KIAA1217: variants seen among roughly 807,000 people sequenced by gnomAD.
KIAA1217 encodes sickle tail protein homolog.
In KIAA1217, 88 loss-of-function variants were observed where a neutral mutation model predicts 163.9. The observed-to-expected ratio is 0.54, with a 90% confidence interval of 0.45 to 0.64. The LOEUF (loss-of-function observed/expected upper bound fraction) is 0.64, where lower values mean the gene tolerates loss of function less well. Among genes scored for constraint, KIAA1217 ranks in the 30% least tolerant of loss-of-function variants. The probability of loss-of-function intolerance (pLI) is 0.00; values close to 1 mark genes in which losing one functional copy is unlikely to be tolerated. For missense variants in KIAA1217, 2,372 were observed against 2,475.0 expected, an observed-to-expected ratio of 0.96 and a Z score of 0.88; for synonymous variants, 903 against 923.1, an observed-to-expected ratio of 0.98 and a Z score of 0.39.
chr10:24,005,887 A>G (rs1846972373), intron 1 of KIAA1217, among the ~76,000 whole-genome samples: 1 of 152,146 alleles, frequency 6.6e-6, no homozygotes, highest in African/African-American at 2.4e-5. Context: ...TCAACACTAG[A>G]ACCTCGAATA....
At chr10:24,094,293 C>G (rs570653071) in intron 2 of KIAA1217, among the ~76,000 whole-genome samples, 59 of 152,296 alleles carry the variant, frequency 3.9e-4, no homozygotes, top group African/African-American at 1.3e-3. Flanking sequence ...CCTATTTCTC[C>G]ACATCCTCTC....
chr10:24,226,913 C>T (rs1443905162), intron 2 of KIAA1217, among the ~76,000 whole-genome samples: 2 of 152,036 alleles, frequency 1.3e-5, no homozygotes, highest in South Asian at 2.1e-4. Flanking sequence ...CAGAAACCAA[C>T]TTTCCACTCC....
At position 24,109,827 on chromosome 10, in the gene KIAA1217, C is replaced by T. The variant is rs116585050; in HGVS notation, c.-171+102453C>T. ...GAGATGGATTTGGAATCGATCAAAA[C>T]GGAAATAAAAATTCTATTAGATTGT... On this transcript the variant is annotated intron_variant, in intron 2 of 18. Coordinates refer to the KIAA1217 transcript ENST00000376462. 3.2e-3 allele frequency among the ~76,000 whole-genome samples: 485 copies of T among 152,240 alleles called. 3 individuals are homozygous for T. Among genetic ancestry groups the T allele is most frequent in the African/African-American group, 0.011 (450 of 41,552 alleles).
chr10:24,109,954 C>T (rs1477305736), intron 2 of KIAA1217, among the ~76,000 whole-genome samples: 2 of 152,242 alleles, frequency 1.3e-5, no homozygotes, highest in African/African-American at 4.8e-5. Context: ...CAGCCTTGAC[C>T]TGCTGGGTGC....
intron 2 of KIAA1217, among the ~76,000 whole-genome samples, chr10:24,103,158 A>G (rs560916696): frequency 3.3e-5 from 5 of 152,310 alleles, no homozygotes; most frequent in Admixed American, 3.3e-4. Flanking sequence ...AGACTCATAC[A>G]ATGGGGAAGA....
chr10:23,870,119 C>T (rs768324999), intron 1 of KIAA1217, among the ~76,000 whole-genome samples: 6 of 152,026 alleles, frequency 3.9e-5, no homozygotes, highest in Non-Finnish European at 8.8e-5. Context: ...GCTATCTACC[C>T]GTTAAAAAGT....
At chr10:24,194,056 G>A (rs190941258) in intron 2 of KIAA1217, among the ~76,000 whole-genome samples, 1,866 of 151,786 alleles carry the variant, frequency 0.012, 37 homozygotes, top group African/African-American at 0.042. Context: ...ATGTGGTGGC[G>A]CACACCTGTA....
intron 2 of KIAA1217, chr10:24,368,756 A>C: frequency 3.1e-6 from 2 of 642,590 alleles, no homozygotes; most frequent in Non-Finnish European, 3.8e-6. Context: ...CCTCTCACAT[A>C]GGATCCCAGA....
chr10:24,218,656 T>G (rs1435100104), intron 1 of KIAA1217, among the ~76,000 whole-genome samples: 1 of 151,852 alleles, frequency 6.6e-6, no homozygotes, highest in African/African-American at 2.4e-5. Flanking sequence ...GCCCAGCTAA[T>G]TTTTTTGTAT....
chr10:24,368,387 A>C (rs1003682712), intron 2 of KIAA1217, among the ~76,000 whole-genome samples: 12 of 151,562 alleles, frequency 7.9e-5, no homozygotes, highest in Admixed American at 7.2e-4. Flanking sequence ...TGAGTTTGGG[A>C]TTCCCTCCCG....
intron 1 of KIAA1217, among the ~76,000 whole-genome samples, chr10:23,742,006 C>T (rs1327747674): frequency 6.6e-6 from 1 of 152,108 alleles, no homozygotes; most frequent in African/African-American, 2.4e-5. Flanking sequence ...TCACTCAATG[C>T]TCTAGAGAAC....
At chr10:24,158,150 T>G (rs1234481717) in intron 2 of KIAA1217, 1 of 751,480 alleles carries the variant, frequency 1.3e-6, no homozygotes, top group Admixed American at 1.7e-5. Context: ...ATCAACACCT[T>G]TAACTTCAAG....
intron 1 of KIAA1217, among the ~76,000 whole-genome samples, chr10:23,919,803 A>C (rs1223265079): frequency 6.6e-6 from 1 of 152,058 alleles, no homozygotes; most frequent in Admixed American, 6.6e-5. Context: ...AGCTGACCTG[A>C]ATCTAGAGGA....
rs115154387 is a variant in KIAA1217, at chr10:24,145,471, C to A, written c.-170-74155C>A. ...TCAAAGAATCATATAAATCAAACTT[C>A]AAGAAAGGCAAAGCCAGAAAATAAG... On this transcript the variant is annotated intron_variant, in intron 2 of 18. Transcript: ENST00000376462. Among the ~76,000 whole-genome samples, 637 of 152,322 alleles carry A rather than the reference C, an allele frequency of 4.2e-3. 4 individuals carry two copies. Among genetic ancestry groups the A allele is most frequent in the African/African-American group, 0.014 (598 of 41,568 alleles).
chr10:23,997,993 T>TC (rs1564598226), intron 1 of KIAA1217, among the ~76,000 whole-genome samples: 6 of 151,422 alleles, frequency 4.0e-5, no homozygotes, highest in African/African-American at 7.3e-5. Flanking sequence ...CTTTTTTTTT[T>TC]TCCCCCCAAA....
At chr10:24,233,262 T>C (rs1215654257) in intron 2 of KIAA1217, among the ~76,000 whole-genome samples, 2 of 152,072 alleles carry the variant, frequency 1.3e-5, no homozygotes, top group Non-Finnish European at 2.9e-5. Flanking sequence ...GATGCAAGAG[T>C]GTTGAAGAGG....
chr10:24,065,590 G>C, intron 2 of KIAA1217, among the ~76,000 whole-genome samples: 1 of 152,142 alleles, frequency 6.6e-6, no homozygotes, highest in East Asian at 1.9e-4. Flanking sequence ...AATAGGTGTG[G>C]TGTGGTGCTG....
chr10:24,380,704 A>G (rs751109310), intron 2 of KIAA1217, among the ~76,000 whole-genome samples, 165 bp from the exon 3 acceptor site: 4 of 152,166 alleles, frequency 2.6e-5, no homozygotes, highest in Admixed American at 6.5e-5. Flanking sequence ...TTCACAACTG[A>G]TACTTTGACC....
At chr10:24,091,299 G>T (rs1473514785) in intron 2 of KIAA1217, among the ~76,000 whole-genome samples, 1 of 151,850 alleles carries the variant, frequency 6.6e-6, no homozygotes, top group Admixed American at 6.6e-5. Context: ...TGCACCCAGC[G>T]ACTGGCATCC....
Sources: allele counts gnomAD v4.1 joint callset (sites outside exome capture counted in the v4.1 genomes callset), GRCh38; gene constraint gnomAD v4.1.1; transcripts MANE v1.5; gene names NCBI Gene and HGNC (gene_info 2026-07-23, HGNC 2026-07-21).